The following SDK2 variants were observed in gnomAD, a reference collection of about 807,000 sequenced individuals.
The protein encoded by SDK2 is sidekick cell adhesion molecule 2.
In SDK2, 105 loss-of-function variants were observed where a neutral mutation model predicts 253.9. That is an observed-to-expected ratio of 0.41 (90% CI 0.35 to 0.49). The LOEUF (loss-of-function observed/expected upper bound fraction) is 0.49, where lower values mean the gene tolerates loss of function less well. SDK2 is among the 20% of genes least tolerant of loss of function. The pLI is 0.06. For synonymous variants in SDK2, 1,249 were observed against 1,234.9 expected (o/e 1.01, Z -0.24); for missense variants, 2,608 against 3,003.0 (o/e 0.87, Z 3.07).
chr17:73,381,084 T>C, intron 33 of SDK2, 134 bp from the exon 34 acceptor site: 2 of 635,992 alleles, frequency 3.1e-6, no homozygotes, highest in Non-Finnish European at 5.7e-6. Flanking sequence ...AGGAAGAGTG[T>C]TTCCAAATTT....
At position 73,398,153 on chromosome 17, in the gene SDK2, G is replaced by A. The variant is rs769889158; in HGVS notation, c.3236C>T (p.Thr1079Ile). The A allele has an allele frequency of 6.2e-7, 1 of 1,613,606 alleles. No homozygotes were observed. Among genetic ancestry groups the A allele is most frequent in the African/African-American group, 1.3e-5 (1 of 75,058 alleles). Residue 1079 changes from threonine to isoleucine, a missense_variant, in exon 24 of 45, where the codon ACC becomes ATC. By Grantham distance (89) the Thr-to-Ile change is moderately conservative. Transcript: ENST00000392650. Reference protein sequence around the residue: ...FRMRQVNIVGTSPPSQPSRKI... With the variant: ...FRMRQVNIVGISPPSQPSRKI... ...TCTAGAAGGCTGACTGGGGGGGCTG[G>A]TGCCCACGATGTTCACCTGGCGCAT...
At chr17:73,493,313 T>G (rs2063820091) in intron 2 of SDK2, among the ~76,000 whole-genome samples, 1 of 152,226 alleles carries the variant, frequency 6.6e-6, no homozygotes, top group South Asian at 2.1e-4. Flanking sequence ...GGGAAGAGCT[T>G]TCCTCGGGAG....
intron 27 of SDK2, among the ~76,000 whole-genome samples, chr17:73,392,369 A>T (rs1364247732): frequency 6.6e-6 from 1 of 152,002 alleles, no homozygotes; most frequent in East Asian, 1.9e-4. Flanking sequence ...TCCCGGGTTC[A>T]AGCGATTCTC....
intron 1 of SDK2, among the ~76,000 whole-genome samples, chr17:73,566,369 G>A (rs1328531287): frequency 6.8e-6 from 1 of 147,058 alleles, no homozygotes; most frequent in Non-Finnish European, 1.5e-5. Context: ...CCCAGTCTCA[G>A]GTATTCCTTT....
chr17:73,505,007 A>G (rs919616859), intron 2 of SDK2, among the ~76,000 whole-genome samples: 20 of 151,930 alleles, frequency 1.3e-4, no homozygotes, highest in African/African-American at 4.8e-4. Context: ...CAGATCCAAC[A>G]CTCTTAGGGG....
Position 73,618,672 on chromosome 17 carries a change from A to G in SDK2, c.64+25353T>C, listed in dbSNP as rs1333674183. 6.6e-6 allele frequency among the ~76,000 whole-genome samples: 1 copy of G among 151,852 alleles called. No individual in the cohort carries two copies. The highest frequency in any genetic ancestry group is 2.1e-4 in the South Asian group (1 of 4,814). ...GTCAGGGAAGCAGAGGCCAAGCAAGACTCTTCTACAGGGAAGGTACTTAGA... is the reference window on the plus strand; with the variant it reads ...GTCAGGGAAGCAGAGGCCAAGCAAGGCTCTTCTACAGGGAAGGTACTTAGA... On this transcript the variant is annotated intron_variant, in intron 1 of 44. Coordinates refer to ENST00000392650, the MANE Select transcript of SDK2 (RefSeq NM_001144952.2). This position sits in a 1 kb window ranked among gnomAD's most constrained non-coding sequence, Gnocchi z 4.1.
At chr17:73,427,412 A>T (rs1454030332) in intron 12 of SDK2, among the ~76,000 whole-genome samples, 1 of 152,194 alleles carries the variant, frequency 6.6e-6, no homozygotes, top group African/African-American at 2.4e-5. Context: ...GTGCCTGTTT[A>T]CATATGGCTG....
Position 73,352,785 on chromosome 17 carries a change from A to G in SDK2, c.5594-148T>C. On this transcript the variant is annotated intron_variant, in intron 40 of 44. Transcript: ENST00000392650. The surrounding 1 kb of genome is among the most constrained non-coding windows in gnomAD (Gnocchi z 4.1). ...AATCGCAGGCCTTGGTCCTCCCTTG[A>G]AGTTTCTTAAAAAGACAACTTTCGG... is the stretch of plus-strand genomic sequence containing the variant. The G allele has an allele frequency of 1.2e-6, 1 of 833,098 alleles. No individual in the cohort carries two copies. Among genetic ancestry groups the G allele is most frequent in the Non-Finnish European group, 1.8e-6 (1 of 542,818 alleles). The allele number at this position is 833,098 out of a possible 1,614,324, so 51.6% of individuals were successfully genotyped here.
chr17:73,583,973 C>A (rs186697310), intron 1 of SDK2, among the ~76,000 whole-genome samples: 1 of 152,216 alleles, frequency 6.6e-6, no homozygotes, highest in Non-Finnish European at 1.5e-5. Flanking sequence ...ACCCTGGCCA[C>A]GGAGCCCACC....
chr17:73,402,208 A>C, intron 18 of SDK2, 67 bp from the exon 19 acceptor site: 1 of 1,509,338 alleles, frequency 6.6e-7, no homozygotes, highest in Non-Finnish European at 9.1e-7. Flanking sequence ...GCCCTCTCCC[A>C]CAGGCTGGGC....
intron 1 of SDK2, among the ~76,000 whole-genome samples, chr17:73,562,862 G>A (rs2045257906): frequency 6.6e-6 from 1 of 152,256 alleles, no homozygotes; most frequent in Non-Finnish European, 1.5e-5. Context: ...AGCCGCACGA[G>A]GCAGGTTATA....
intron 1 of SDK2, among the ~76,000 whole-genome samples, chr17:73,614,797 G>A (rs570212403): frequency 3.8e-5 from 4 of 106,254 alleles, no homozygotes; most frequent in African/African-American, 1.5e-4. Context: ...ATTGAAAAGG[G>A]GAAAGGAGGG....
chr17:73,624,571 C>T (rs930883659), intron 1 of SDK2, among the ~76,000 whole-genome samples: 1 of 152,198 alleles, frequency 6.6e-6, no homozygotes, highest in Non-Finnish European at 1.5e-5. Context: ...GCAACAGCAG[C>T]AAATGAACTC....
intron 16 of SDK2, among the ~76,000 whole-genome samples, chr17:73,417,126 G>A (rs983852062): frequency 2.0e-5 from 3 of 151,884 alleles, no homozygotes; most frequent in Admixed American, 1.3e-4. Flanking sequence ...GGATTGGGCC[G>A]GGCATGGTGG....
chr17:73,539,635 G>A (rs1223396416), intron 1 of SDK2, among the ~76,000 whole-genome samples: 1 of 152,226 alleles, frequency 6.6e-6, no homozygotes, highest in Non-Finnish European at 1.5e-5. Flanking sequence ...TTTGTTATGG[G>A]TAAAATTGAG....
chr17:73,369,071 C>A, intron 36 of SDK2: 1 of 403,088 alleles, frequency 2.5e-6, no homozygotes, highest in South Asian at 1.8e-5. Flanking sequence ...CCTTCCTTTT[C>A]ACAGCCAAGA....
At position 73,435,430 on chromosome 17, in the gene SDK2, C is replaced by A. The variant is rs1198865408; in HGVS notation, c.1195+20G>T. The A allele has an allele frequency of 3.8e-6, 6 of 1,572,956 alleles. No individual in the cohort carries two copies. The African/African-American group carries it at 8.1e-5, about 21-fold the overall frequency. ...TGGGAAGAGGGGCTCACGGGCAGCA[C>A]AAGGGAAGGCCCAACTTACTGGTGA... On this transcript the variant is annotated intron_variant, in intron 9 of 44. Transcript: ENST00000392650. This position sits in a 1 kb window ranked among gnomAD's most constrained non-coding sequence, Gnocchi z 5.7.
In SDK2 at chr17:73,402,044, A is replaced by G; in HGVS notation, c.2582T>C (p.Leu861Pro). 6.2e-7 allele frequency: 1 copy of G among 1,613,996 alleles called. No individual in the cohort carries two copies. Among genetic ancestry groups the G allele is most frequent in the Non-Finnish European group, 8.5e-7 (1 of 1,179,864 alleles). ...DSIHVGFVSG[L>P]KKFTEYFTSV... ...GGTGAAGTACTCGGTGAACTTCTTC[A>G]GGCCAGACACGAAGCCCACGTGGAT... The change falls in exon 19 of 45, where the codon CTG (leucine) becomes CCG (proline). Residue 861 changes from leucine (L) to proline (P), a missense_variant. By Grantham distance (98) the Leu-to-Pro change is moderately conservative. Around this residue, in one of 2 missense-constraint regions of SDK2, gnomAD observed 1,505 missense variants for 1,859.1 expected, o/e 0.81. Transcript: ENST00000392650.
intron 1 of SDK2, among the ~76,000 whole-genome samples, chr17:73,545,896 C>T (rs2145829009): frequency 6.6e-6 from 1 of 152,254 alleles, no homozygotes; most frequent in South Asian, 2.1e-4. Context: ...CCTCTCAGGA[C>T]TGGGTTGGAT....
Sources: gnomAD v4.1 joint callset for allele counts (sites outside exome capture counted in the v4.1 genomes callset) on GRCh38, gnomAD v4.1.1 for gene constraint, gnomAD v4.1.1 regional missense constraint, Gnocchi (gnomAD v3.1) non-coding constraint, MANE v1.5 for transcripts, NCBI Gene and HGNC (gene_info 2026-07-23, HGNC 2026-07-21) for gene names.